EIF4E2: variants seen among roughly 807,000 people sequenced by gnomAD.
The protein encoded by EIF4E2 is eukaryotic translation initiation factor 4E family member 2, also known as eukaryotic translation initiation factor 4E type 2.
EIF4E2 carries 13 observed loss-of-function variants against 34.2 expected under a neutral mutation model. The observed-to-expected ratio is 0.38, with a 90% CI of 0.25 to 0.60. The LOEUF is 0.60. Ranked by LOEUF, EIF4E2 falls within the 20% of genes least tolerant of loss-of-function variation. The pLI, the probability that EIF4E2 is intolerant of heterozygous loss-of-function variation, is 0.62. For missense variants in EIF4E2, 222 were observed against 315.1 expected, an observed-to-expected ratio of 0.70 and a Z score of 2.24; for synonymous variants, 100 against 106.6, an observed-to-expected ratio of 0.94 and a Z score of 0.38.
chr2:232,576,852 A>C (rs1693234159), intron 6 of EIF4E2, among the ~76,000 whole-genome samples: 1 of 152,254 alleles, frequency 6.6e-6, no homozygotes, highest in Admixed American at 6.5e-5. Flanking sequence ...TCCTCCAAAT[A>C]GATTGTGATC....
At chr2:232,568,287 T>C in intron 6 of EIF4E2, 1 of 985,382 alleles carries the variant, frequency 1.0e-6, no homozygotes, top group South Asian at 4.7e-5. Flanking sequence ...GGAGTGGAGT[T>C]GGCTTAAACC....
At chr2:232,574,405 C>T in intron 6 of EIF4E2, 1 of 1,491,718 alleles carries the variant, frequency 6.7e-7, no homozygotes, top group Non-Finnish European at 9.1e-7. Flanking sequence ...GACCCCTCTT[C>T]CCATTTACCC....
At chr2:232,572,963 G>T (rs1479296289), downstream of EIF4E2, among the ~76,000 whole-genome samples, 1 of 152,206 alleles carries the variant, frequency 6.6e-6, no homozygotes, top group Non-Finnish European at 1.5e-5. Context: ...GGGTTTCCCT[G>T]GGTCATTGCC....
At position 232,566,173 on chromosome 2, in the gene EIF4E2, C is replaced by T. The variant is rs1048306699; in HGVS notation, c.376-656C>T. Among the ~76,000 whole-genome samples, 34 of 149,942 alleles carry T rather than the reference C, an allele frequency of 2.3e-4. No homozygotes were observed. Among genetic ancestry groups the T allele is most frequent in the African/African-American group, 6.1e-4 (25 of 40,986 alleles). On this transcript the variant is annotated intron_variant, in intron 4 of 6. Transcript: ENST00000258416. The surrounding 1 kb of genome is among the most constrained non-coding windows in gnomAD (Gnocchi z 4.9). ...AGTGACAGTCAGTACTTTTTTTTGT[C>T]GTCGTTGTTGTTTTGTTTTGTTTTG...
At chr2:232,559,824 T>TAAAAAAAAAAA (rs576233672) in intron 3 of EIF4E2, among the ~76,000 whole-genome samples, 79 of 115,468 alleles carry the variant, frequency 6.8e-4, no homozygotes, top group African/African-American at 2.9e-3. Flanking sequence ...ACGGGAGCAT[T>TAAAAAAAAAAA]AAAAAAAAAA....
chr2:232,559,135 G>A (rs908500130), intron 3 of EIF4E2, among the ~76,000 whole-genome samples: 1 of 151,598 alleles, frequency 6.6e-6, no homozygotes, highest in Non-Finnish European at 1.5e-5. Flanking sequence ...TGACGAGTTA[G>A]TGGGTGCAGC....
chr2:232,578,360 C>T (rs772597542), intron 6 of EIF4E2, among the ~76,000 whole-genome samples: 2 of 152,092 alleles, frequency 1.3e-5, no homozygotes, highest in African/African-American at 2.4e-5. Context: ...AGGCTGGGCA[C>T]GGTGGCTCAC....
At chr2:232,571,306 T>C (rs533836994), downstream of EIF4E2, among the ~76,000 whole-genome samples, 1 of 152,224 alleles carries the variant, frequency 6.6e-6, no homozygotes, top group Non-Finnish European at 1.5e-5. Flanking sequence ...GTGGACAACT[T>C]GTTAAACTGA....
chr2:232,575,990 G>C (rs1693203809), intron 6 of EIF4E2, among the ~76,000 whole-genome samples: 1 of 152,124 alleles, frequency 6.6e-6, no homozygotes, highest in East Asian at 1.9e-4. Context: ...CAGATCACGA[G>C]GTCAAGAGAT....
chr2:232,569,508 C>T (rs2106251204), downstream of EIF4E2, among the ~76,000 whole-genome samples: 1 of 152,306 alleles, frequency 6.6e-6, no homozygotes, highest in Non-Finnish European at 1.5e-5. Context: ...ATATAGAATT[C>T]AGCTTGAAAG....
chr2:232,567,437 A>G (rs1692974545), intron 6 of EIF4E2: 1 of 1,353,178 alleles, frequency 7.4e-7, no homozygotes, highest in African/African-American at 1.5e-5. Flanking sequence ...GCCCATCTGC[A>G]GAAACCCAGT....
chr2:232,565,889 C>T (rs905136612), intron 4 of EIF4E2, among the ~76,000 whole-genome samples: 3 of 150,406 alleles, frequency 2.0e-5, no homozygotes, highest in Non-Finnish European at 4.4e-5. Flanking sequence ...GTCAAGGGTT[C>T]GAGACCAGCC....
At chr2:232,557,773 T>C in intron 2 of EIF4E2, 111 bp from the exon 3 acceptor site, 1 of 1,240,766 alleles carries the variant, frequency 8.1e-7, no homozygotes, top group Non-Finnish European at 1.1e-6. Context: ...GTTGAGGTTG[T>C]ATATCCTTTT....
rs904468624 is a variant in EIF4E2, at chr2:232,581,183, G to T, written c.*240G>T. ...TAGACAAACATTGTTTTTTAATGGG[G>T]TTCCATGGGGGGGCGTTCAGCCTTT... is the stretch of plus-strand genomic sequence containing the variant. On this transcript the variant is annotated 3_prime_UTR_variant, in exon 7 of 7. Transcript: ENST00000409098. This position sits in a 1 kb window ranked among gnomAD's most constrained non-coding sequence, Gnocchi z 5.2. The T allele has an allele frequency of 3.5e-5, 22 of 637,362 alleles. No homozygotes were observed. Among genetic ancestry groups the T allele is most frequent in the Admixed American group, 3.2e-4 (15 of 47,226 alleles). 39.5% of individuals were successfully genotyped at this position (637,362 alleles called of 1,614,324 possible).
intron 1 of EIF4E2, among the ~76,000 whole-genome samples, chr2:232,554,525 G>T (rs1349593948): frequency 6.6e-6 from 1 of 152,152 alleles, no homozygotes. Context: ...GTAGATGTTG[G>T]TAATTTTTAA....
intron 6 of EIF4E2, chr2:232,567,452 C>T (rs1157625448): frequency 3.1e-6 from 4 of 1,310,486 alleles, no homozygotes; most frequent in Non-Finnish European, 2.9e-6. Context: ...CCCAGTTGTA[C>T]TACCTGGGCT....
chr2:232,570,792 C>T (rs544018878), downstream of EIF4E2, among the ~76,000 whole-genome samples: 10 of 152,240 alleles, frequency 6.6e-5, no homozygotes, highest in South Asian at 2.1e-4. Flanking sequence ...CAAAATTAGC[C>T]GGGCATAGTG....
downstream of EIF4E2, among the ~76,000 whole-genome samples, chr2:232,570,654 T>C (rs1431591344): frequency 6.6e-6 from 1 of 152,190 alleles, no homozygotes; most frequent in South Asian, 2.1e-4. Flanking sequence ...GACTTAAGAA[T>C]TCCAAGGAGG....
intron 4 of EIF4E2, among the ~76,000 whole-genome samples, chr2:232,565,713 CTG>C (rs1438518186): frequency 6.6e-6 from 1 of 152,172 alleles, no homozygotes; most frequent in Non-Finnish European, 1.5e-5. Flanking sequence ...GTGTGCATAT[CTG>C]TTAACAGCAG....
Sources: gnomAD v4.1 joint callset for allele counts (sites outside exome capture counted in the v4.1 genomes callset) on GRCh38, gnomAD v4.1.1 for gene constraint, Gnocchi (gnomAD v3.1) non-coding constraint, MANE v1.5 for transcripts, NCBI Gene and HGNC (gene_info 2026-07-23, HGNC 2026-07-21) for gene names.